The following DOCK3 variants were observed in gnomAD, a reference collection of about 807,000 sequenced individuals.
DOCK3 encodes the protein dedicator of cytokinesis protein 3.
In DOCK3, 60 loss-of-function variants were observed where a neutral mutation model predicts 265.6. The ratio of observed to expected loss-of-function variants is 0.23; its 90% confidence interval spans 0.18 to 0.28. The LOEUF (loss-of-function observed/expected upper bound fraction) is 0.28. Ranked by LOEUF, DOCK3 falls within the 10% of genes least tolerant of loss-of-function variation. DOCK3 has a pLI of 1.00. For synonymous variants in DOCK3, 881 were observed against 938.0 expected (o/e 0.94, Z 1.11); for missense variants, 1,981 against 2,594.3 (o/e 0.76, Z 5.14).
chr3:51,114,995 A>G (rs747732002), intron 9 of DOCK3, among the ~76,000 whole-genome samples: 8 of 151,976 alleles, frequency 5.3e-5, no homozygotes, highest in Non-Finnish European at 1.0e-4. Context: ...ACCCTTTTTT[A>G]TGACTGCATA....
chr3:51,374,949 G>C lies in DOCK3; in HGVS notation c.5412+362G>C, dbSNP rs946691665. On this transcript the variant is annotated intron_variant, in intron 50 of 52. Coordinates refer to ENST00000266037, the MANE Select transcript of DOCK3 (RefSeq NM_004947.5). This position sits in a 1 kb window ranked among gnomAD's most constrained non-coding sequence, Gnocchi z 4.8. ...CAGTGGTGGACACATTGGTCTGGAAGATGTTCTTCCTCCCTATTTGTGGGG... is the reference window on the plus strand; with the variant it reads ...CAGTGGTGGACACATTGGTCTGGAACATGTTCTTCCTCCCTATTTGTGGGG... Among the ~76,000 whole-genome samples the C allele has an allele frequency of 1.5e-4, 23 of 152,246 alleles. No individual in the cohort carries two copies. The highest frequency in any genetic ancestry group is 4.8e-4 in the African/African-American group (20 of 41,466).
chr3:50,860,041 T>A (rs2046830440), intron 3 of DOCK3, among the ~76,000 whole-genome samples: 1 of 152,208 alleles, frequency 6.6e-6, no homozygotes, highest in African/African-American at 2.4e-5. Context: ...TGGTTGACTC[T>A]TGGGGACCCC....
At chr3:50,949,688 T>C (rs944144077) in intron 5 of DOCK3, among the ~76,000 whole-genome samples, 3 of 152,172 alleles carry the variant, frequency 2.0e-5, no homozygotes, top group African/African-American at 7.2e-5. Flanking sequence ...TCAAGGTTTT[T>C]GATCAATTTT....
At chr3:51,375,667 G>C in intron 50 of DOCK3, 81 bp from the exon 51 acceptor site, 1 of 1,492,540 alleles carries the variant, frequency 6.7e-7, no homozygotes, top group Non-Finnish European at 9.3e-7. Context: ...GTAGTGTCCT[G>C]TCTCTCGTCG....
At chr3:50,737,032 C>T (rs1016732092) in intron 1 of DOCK3, among the ~76,000 whole-genome samples, 6 of 152,066 alleles carry the variant, frequency 3.9e-5, no homozygotes, top group Non-Finnish European at 8.8e-5. Flanking sequence ...TCGTATCCTT[C>T]GCCCACTTTT....
At chr3:50,887,710 A>G (rs2048412354) in intron 3 of DOCK3, among the ~76,000 whole-genome samples, 1 of 126,304 alleles carries the variant, frequency 7.9e-6, no homozygotes, top group Non-Finnish European at 1.6e-5. Context: ...CTGGTTCAAC[A>G]TACACAAATC....
chr3:50,849,389 TAC>T (rs889009272), intron 3 of DOCK3, among the ~76,000 whole-genome samples: 17 of 150,778 alleles, frequency 1.1e-4, no homozygotes, highest in Middle Eastern at 6.8e-3. Flanking sequence ...TACACATATA[TAC>T]ACACACACAC....
At chr3:51,281,418 T>C (rs969660341) in intron 27 of DOCK3, among the ~76,000 whole-genome samples, 5 of 152,028 alleles carry the variant, frequency 3.3e-5, no homozygotes, top group African/African-American at 4.8e-5. Context: ...GTCGAACTTA[T>C]TGTTTTTATA....
chr3:51,280,437 T>TAATA (rs2081051113), intron 27 of DOCK3, among the ~76,000 whole-genome samples: 1 of 152,156 alleles, frequency 6.6e-6, no homozygotes, highest in South Asian at 2.1e-4. Flanking sequence ...TTAGCGGCCC[T>TAATA]GTGATCATGT....
intron 5 of DOCK3, among the ~76,000 whole-genome samples, chr3:50,998,530 C>T (rs2078361504): frequency 6.6e-6 from 1 of 152,134 alleles, no homozygotes; most frequent in African/African-American, 2.4e-5. Flanking sequence ...TCTCTGATAC[C>T]TAAGCCATGG....
At chr3:51,160,920 C>T (rs1384694534) in intron 12 of DOCK3, among the ~76,000 whole-genome samples, 1 of 151,582 alleles carries the variant, frequency 6.6e-6, no homozygotes, top group Non-Finnish European at 1.5e-5. Flanking sequence ...ACTGAAAATA[C>T]AAAAAATTAG....
At chr3:50,785,473 T>C (rs1188416025) in intron 2 of DOCK3, among the ~76,000 whole-genome samples, 1 of 152,238 alleles carries the variant, frequency 6.6e-6, no homozygotes, top group African/African-American at 2.4e-5. Flanking sequence ...ATGGCTTTTA[T>C]TAAGGTATGT....
chr3:50,850,044 A>C (rs968127193), intron 3 of DOCK3, among the ~76,000 whole-genome samples: 2 of 151,682 alleles, frequency 1.3e-5, no homozygotes, highest in Non-Finnish European at 2.9e-5. Context: ...ATTTCCTTTT[A>C]AGATGTTTAT....
At chr3:51,049,644 G>A (rs954918879) in intron 5 of DOCK3, among the ~76,000 whole-genome samples, 68 of 152,138 alleles carry the variant, frequency 4.5e-4, no homozygotes, top group African/African-American at 1.6e-3. Context: ...TGGATTTTTG[G>A]ATTAGCGATG....
intron 26 of DOCK3, chr3:51,278,514 G>A: frequency 1.0e-6 from 1 of 985,330 alleles, no homozygotes; most frequent in Non-Finnish European, 1.2e-6. Context: ...AGAGCAGGGA[G>A]CACTCAGGGA....
In DOCK3 at chr3:50,750,454, C is replaced by T. The variant is rs996358937; in HGVS notation, c.38-28221C>T. ...AAGCTATTCTCCTGCCTCAGCCTCC[C>T]GAGTAGCTGGGATTACAGGCGCCTG... On this transcript the variant is annotated intron_variant, in intron 1 of 52. Coordinates refer to ENST00000266037, the MANE Select transcript of DOCK3 (RefSeq NM_004947.5). 9.9e-5 allele frequency among the ~76,000 whole-genome samples: 15 copies of T among 151,766 alleles called. No homozygotes were observed. The East Asian group carries it at 1.2e-3, about 12-fold the overall frequency.
intron 3 of DOCK3, among the ~76,000 whole-genome samples, chr3:50,879,756 G>C (rs987595208): frequency 6.7e-6 from 1 of 150,262 alleles, no homozygotes; most frequent in Non-Finnish European, 1.5e-5. Flanking sequence ...TCCAAGAATT[G>C]AACTCAGCTC....
In DOCK3 at chr3:51,355,020, C is replaced by A. The variant is rs2086268056; in HGVS notation, c.4246C>A (p.Gln1416Lys). The part of the protein sequence containing the change: ...PDDAILQCDA[Q>K]YLQIYAVTPI... The stretch of plus-strand genomic sequence containing the variant: ...TGACGCCATCCTACAGTGCGATGCC[C>A]AGTGTATCCTTTGATACTGGGTGGG... The change falls in exon 41 of 53, where the codon CAG becomes AAG. Residue 1416 changes from glutamine to lysine, a missense_variant. Gln to Lys is a moderately conservative substitution (Grantham distance 53). Around this residue, in one of 4 missense-constraint regions of DOCK3, gnomAD observed 1,357 missense variants for 1,866.8 expected, o/e 0.73. Coordinates refer to ENST00000266037, the MANE Select transcript of DOCK3 (RefSeq NM_004947.5). 6.2e-7 allele frequency: 1 copy of A among 1,613,254 alleles called. No individual in the cohort carries two copies. The highest frequency in any genetic ancestry group is 1.3e-5 in the African/African-American group (1 of 74,918).
rs549471359 is a variant in DOCK3 at position 50,954,009 on chromosome 3, C to CA, written c.315+19934dup. On this transcript the variant is annotated intron_variant, in intron 5 of 52. Coordinates refer to ENST00000266037, the MANE Select transcript of DOCK3 (RefSeq NM_004947.5). ...TATTAAGTACGTTCACATTGTTATG[C>CA]AATCCCCACCATTGTTATGCAACCC... 3.6e-4 allele frequency among the ~76,000 whole-genome samples: 55 copies of CA among 152,154 alleles called. 1 individual carries two copies. The South Asian group carries it at 0.01, about 28-fold the overall frequency.
Sources: gnomAD v4.1 joint callset for allele counts (sites outside exome capture counted in the v4.1 genomes callset) on GRCh38, gnomAD v4.1.1 for gene constraint, gnomAD v4.1.1 regional missense constraint, Gnocchi (gnomAD v3.1) non-coding constraint, MANE v1.5 for transcripts, NCBI Gene and HGNC (gene_info 2026-07-23, HGNC 2026-07-21) for gene names.